The following PANX1 variants were observed in gnomAD, a reference collection of about 807,000 sequenced individuals.
PANX1 encodes the protein pannexin-1.
Under a neutral mutation model 38.7 loss-of-function variants are expected in PANX1, and 30 were observed. The observed-to-expected ratio is 0.78, with a 90% CI of 0.58 to 1.05. The LOEUF is 1.05. Among genes scored for constraint, PANX1 ranks in the 50% least tolerant of loss-of-function variants. The pLI is 0.00. For missense variants in PANX1, 551 were observed against 517.2 expected, an observed-to-expected ratio of 1.07 and a Z score of -0.63; for synonymous variants, 230 against 212.2, an observed-to-expected ratio of 1.08 and a Z score of -0.73.
At chr11:94,178,723 A>T (rs1180632414) in intron 3 of PANX1, 131 bp downstream of exon 3, 2 of 665,072 alleles carry the variant, frequency 3.0e-6, no homozygotes, top group Non-Finnish European at 5.3e-6. Context: ...GACGTCATGC[A>T]CCTAGTGACA....
chr11:94,160,609 C>T (rs1400299539), intron 2 of PANX1, among the ~76,000 whole-genome samples: 2 of 152,080 alleles, frequency 1.3e-5, no homozygotes, highest in Admixed American at 6.5e-5. Context: ...TATTTTGAGC[C>T]TATGTTTGTC....
intron 2 of PANX1, among the ~76,000 whole-genome samples, chr11:94,153,926 G>A (rs192810193): frequency 1.7e-3 from 256 of 152,302 alleles, no homozygotes; most frequent in Middle Eastern, 0.014. Flanking sequence ...TGTCTGGCCC[G>A]TAGTAGGTTC....
chr11:94,161,707 T>G (rs567875122), intron 2 of PANX1, among the ~76,000 whole-genome samples: 2 of 152,336 alleles, frequency 1.3e-5, no homozygotes, highest in Admixed American at 6.5e-5. Context: ...GTCTGATGCC[T>G]TCTTCTCTCA....
intron 2 of PANX1, chr11:94,175,617 C>A: frequency 2.8e-6 from 1 of 360,412 alleles, no homozygotes; most frequent in Non-Finnish European, 3.9e-6. Flanking sequence ...CCCTGTGGTT[C>A]CCAGATAGAA....
chr11:94,178,345 A>T (rs2134526010), intron 2 of PANX1, 24 bp from the exon 3 acceptor site: 1 of 1,583,130 alleles, frequency 6.3e-7, no homozygotes, highest in South Asian at 1.1e-5. Flanking sequence ...TGTTAAGCCC[A>T]TGATTTGTTC....
intron 2 of PANX1, among the ~76,000 whole-genome samples, chr11:94,159,603 A>G (rs554471900): frequency 1.2e-4 from 19 of 152,076 alleles, no homozygotes; most frequent in African/African-American, 4.3e-4. Flanking sequence ...TATTGCGTCT[A>G]TTTGATTCTT....
chr11:94,146,195 A>G (rs969744782), intron 1 of PANX1, among the ~76,000 whole-genome samples: 1 of 152,234 alleles, frequency 6.6e-6, no homozygotes, highest in African/African-American at 2.4e-5. Context: ...GATAGGAACC[A>G]TTTGAACATC....
At chr11:94,142,043 T>C (rs980271419) in intron 1 of PANX1, among the ~76,000 whole-genome samples, 1 of 152,148 alleles carries the variant, frequency 6.6e-6, no homozygotes, top group Non-Finnish European at 1.5e-5. Context: ...AGTGCATTGC[T>C]CTTTCCAGAG....
At chr11:94,139,828 G>A (rs746405989) in intron 1 of PANX1, among the ~76,000 whole-genome samples, 4 of 152,172 alleles carry the variant, frequency 2.6e-5, no homozygotes, top group Admixed American at 2.0e-4. Flanking sequence ...TCTGAACCTC[G>A]CTCTGTGTAT....
intron 2 of PANX1, among the ~76,000 whole-genome samples, chr11:94,171,969 TTAG>T (rs1947175051): frequency 6.6e-6 from 1 of 151,110 alleles, no homozygotes; most frequent in African/African-American, 2.5e-5. Flanking sequence ...GAGGCAACTA[TTAG>T]TAAGATTTCT....
intron 1 of PANX1, 96 bp downstream of exon 1, chr11:94,129,589 G>A: frequency 1.8e-6 from 2 of 1,128,210 alleles, no homozygotes; most frequent in Non-Finnish European, 2.5e-6. Context: ...GGTACGCCCA[G>A]CTGTGATGGT....
intron 2 of PANX1, among the ~76,000 whole-genome samples, chr11:94,165,456 C>T (rs1165984269): frequency 6.6e-6 from 1 of 152,062 alleles, no homozygotes; most frequent in Admixed American, 6.5e-5. Context: ...GGATCAAATT[C>T]ACACATAACA....
At chr11:94,152,467 C>G (rs540711817) in intron 1 of PANX1, among the ~76,000 whole-genome samples, 11 of 152,244 alleles carry the variant, frequency 7.2e-5, no homozygotes, top group African/African-American at 2.2e-4. Context: ...GAGCACACTC[C>G]CAGGCTGTGA....
chr11:94,176,683 C>T (rs1402919845), intron 2 of PANX1, among the ~76,000 whole-genome samples: 1 of 151,560 alleles, frequency 6.6e-6, no homozygotes, highest in Non-Finnish European at 1.5e-5. Context: ...GCCATCATGG[C>T]CTCGTCCATT....
intron 1 of PANX1, among the ~76,000 whole-genome samples, chr11:94,142,248 C>T (rs1001616674): frequency 3.9e-5 from 6 of 152,156 alleles, no homozygotes; most frequent in Admixed American, 2.6e-4. Context: ...GTCTGTTAAG[C>T]GCCACCACCA....
At chr11:94,143,874 A>G (rs1298694962) in intron 1 of PANX1, among the ~76,000 whole-genome samples, 1 of 151,838 alleles carries the variant, frequency 6.6e-6, no homozygotes, top group Non-Finnish European at 1.5e-5. Context: ...TCAGACTCCC[A>G]TGTAGGTGGG....
intron 2 of PANX1, among the ~76,000 whole-genome samples, chr11:94,162,889 T>TTTTTTTTTG (rs1947062961): frequency 1.3e-5 from 2 of 149,702 alleles, no homozygotes; most frequent in African/African-American, 2.5e-5. Context: ...TTTTTTTTTT[T>TTTTTTTTTG]GAGACAGGGT....
At chr11:94,160,356 G>C (rs1947010709) in intron 2 of PANX1, among the ~76,000 whole-genome samples, 1 of 152,194 alleles carries the variant, frequency 6.6e-6, no homozygotes, top group Non-Finnish European at 1.5e-5. Flanking sequence ...TATTGTGGGA[G>C]TCTAAGTCTC....
chr11:94,169,484 C>G (rs7950317), intron 2 of PANX1, among the ~76,000 whole-genome samples: 48,548 of 151,370 alleles, frequency 0.32, 8,428 homozygotes, highest in Admixed American at 0.4. Context: ...AGTTTTAACC[C>G]AGTGTGCCCT....
Sources: allele counts gnomAD v4.1 joint callset (sites outside exome capture counted in the v4.1 genomes callset), GRCh38; gene constraint gnomAD v4.1.1; transcripts MANE v1.5; gene names NCBI Gene and HGNC (gene_info 2026-07-23, HGNC 2026-07-21).